The following HS3ST1 variants were observed in gnomAD, a reference collection of about 807,000 sequenced individuals.
The protein encoded by HS3ST1 is heparan sulfate-glucosamine 3-sulfotransferase 1, also known as heparan sulfate glucosamine 3-O-sulfotransferase 1.
A neutral mutation model predicts 20.7 loss-of-function variants in HS3ST1; 8 were observed. The observed-to-expected ratio is 0.39, with a 90% CI of 0.23 to 0.70. The LOEUF is 0.70. Among genes scored for constraint, HS3ST1 ranks in the 30% least tolerant of loss-of-function variants. The probability of loss-of-function intolerance (pLI) is 0.46; values close to 1 mark genes in which losing one functional copy is unlikely to be tolerated. For missense variants in HS3ST1, 436 were observed against 423.4 expected, an observed-to-expected ratio of 1.03 and a Z score of -0.26; for synonymous variants, 205 against 190.4, an observed-to-expected ratio of 1.08 and a Z score of -0.63.
rs1243032047 is a variant in HS3ST1, at chr4:11,396,856, C to G, written c.*2226G>C. On this transcript the variant is annotated 3_prime_UTR_variant, in exon 2 of 2. Coordinates refer to ENST00000002596, the MANE Select transcript of HS3ST1 (RefSeq NM_005114.4). ...TACACTGGACCACCGCCTCCATCGA[C>G]TATGCCAGTCCCAGCAGCTAGATTA... The G allele has an allele frequency of 1.3e-5, 2 of 152,344 alleles. No homozygotes were observed. The highest frequency in any genetic ancestry group is 2.9e-5 in the Non-Finnish European group (2 of 68,106). 9.4% of individuals were successfully genotyped at this position (152,344 alleles called of 1,614,324 possible).
At chr4:11,430,266 G>A (rs1393778351), upstream of HS3ST1, among the ~76,000 whole-genome samples, 1 of 151,524 alleles carries the variant, frequency 6.6e-6, no homozygotes, top group Non-Finnish European at 1.5e-5. Flanking sequence ...ACTTCTTTTA[G>A]TCAGAATAAT....
chr4:11,431,616 C>T (rs1187669946), upstream of HS3ST1, among the ~76,000 whole-genome samples: 3 of 152,124 alleles, frequency 2.0e-5, no homozygotes, highest in Non-Finnish European at 4.4e-5. Context: ...ACACTCCTAG[C>T]CTACCTTTAC....
intron 1 of HS3ST1, among the ~76,000 whole-genome samples, chr4:11,409,679 T>A (rs1278761924): frequency 6.6e-6 from 1 of 152,230 alleles, no homozygotes; most frequent in African/African-American, 2.4e-5. Context: ...GCAAGGTATT[T>A]GATGATAGCA....
rs955716084 is a variant in HS3ST1, at chr4:11,397,449, G to A, written c.*1633C>T. ...CCTGTATCTGGGACACACCTCTTAG[G>A]ATGGAAGATATTTGGCACCTGGGAA... On this transcript the variant is annotated 3_prime_UTR_variant, in exon 2 of 2. Coordinates refer to ENST00000002596, the MANE Select transcript of HS3ST1 (RefSeq NM_005114.4). 1 of 152,246 alleles carries A rather than the reference G, an allele frequency of 6.6e-6. No homozygotes were observed. Among genetic ancestry groups the A allele is most frequent in the African/African-American group, 2.4e-5 (1 of 41,442 alleles). 9.4% of individuals were successfully genotyped at this position (152,246 alleles called of 1,614,324 possible).
At chr4:11,433,847 A>G (rs886581556), upstream of HS3ST1, among the ~76,000 whole-genome samples, 1 of 152,256 alleles carries the variant, frequency 6.6e-6, no homozygotes, top group South Asian at 2.1e-4. Flanking sequence ...CAGAAAAATT[A>G]CAATTCAATC....
At chr4:11,429,405 C>G (rs1719156680), upstream of HS3ST1, 1 of 152,518 alleles carries the variant, frequency 6.6e-6, no homozygotes, top group East Asian at 1.9e-4. Context: ...TGCGTATTCC[C>G]TTCCTGGCAG....
At chr4:11,400,172 C>G in intron 1 of HS3ST1, 59 bp from the exon 2 acceptor site, 1 of 1,359,708 alleles carries the variant, frequency 7.4e-7, no homozygotes, top group Non-Finnish European at 9.6e-7. Flanking sequence ...ATTCAACTAA[C>G]AACTCTGTAG....
chr4:11,409,280 A>G (rs1367853392), intron 1 of HS3ST1, among the ~76,000 whole-genome samples: 2 of 152,208 alleles, frequency 1.3e-5, no homozygotes, highest in African/African-American at 4.8e-5. Context: ...ATTTGGACAA[A>G]CAGGGAGAGA....
At chr4:11,416,213 A>G (rs141711194) in intron 1 of HS3ST1, among the ~76,000 whole-genome samples, 86 of 152,280 alleles carry the variant, frequency 5.6e-4, no homozygotes, top group African/African-American at 1.9e-3. Context: ...CCCCTCAAAG[A>G]CTGATAATTC....
intron 1 of HS3ST1, among the ~76,000 whole-genome samples, chr4:11,416,957 A>G (rs1718800411): frequency 6.6e-6 from 1 of 152,236 alleles, no homozygotes. Context: ...AGTTCTACGC[A>G]GAGGAAACAG....
At chr4:11,412,773 C>G (rs978960209) in intron 1 of HS3ST1, among the ~76,000 whole-genome samples, 1 of 152,128 alleles carries the variant, frequency 6.6e-6, no homozygotes, top group Non-Finnish European at 1.5e-5. Context: ...GAATGCTTAA[C>G]CATTACTAGA....
intron 1 of HS3ST1, among the ~76,000 whole-genome samples, chr4:11,410,427 G>A (rs574385194): frequency 1.5e-4 from 23 of 152,280 alleles, no homozygotes; most frequent in South Asian, 8.3e-4. Flanking sequence ...GAAGTCCCAC[G>A]GAAGCATTCA....
intron 1 of HS3ST1, among the ~76,000 whole-genome samples, chr4:11,427,633 G>C (rs1039057418): frequency 6.6e-6 from 1 of 152,230 alleles, no homozygotes; most frequent in African/African-American, 2.4e-5. Context: ...ATCTGCAAAG[G>C]AGGAGGAAGA....
chr4:11,422,765 A>C (rs115731389), intron 1 of HS3ST1, among the ~76,000 whole-genome samples: 1,687 of 152,276 alleles, frequency 0.011, 36 homozygotes, highest in African/African-American at 0.038. Context: ...ATGCAAAATG[A>C]AATTTTATAA....
chr4:11,408,739 C>A (rs927399383), intron 1 of HS3ST1, among the ~76,000 whole-genome samples: 2 of 152,200 alleles, frequency 1.3e-5, no homozygotes, highest in Non-Finnish European at 2.9e-5. Context: ...GGCGGACAGA[C>A]GGGGCTTCTC....
chr4:11,406,662 G>T (rs781198415), intron 1 of HS3ST1, among the ~76,000 whole-genome samples: 17 of 152,178 alleles, frequency 1.1e-4, no homozygotes, highest in Admixed American at 2.0e-4. Context: ...GAATGGTGAT[G>T]CTTCCCCTTG....
At chr4:11,414,193 G>C (rs575918519) in intron 1 of HS3ST1, 1 of 152,186 alleles carries the variant, frequency 6.6e-6, no homozygotes, top group Non-Finnish European at 1.5e-5. Flanking sequence ...TCTTTATTCT[G>C]TCATGTTCAT....
At chr4:11,408,377 C>G (rs552886368) in intron 1 of HS3ST1, among the ~76,000 whole-genome samples, 5 of 152,126 alleles carry the variant, frequency 3.3e-5, no homozygotes, top group Non-Finnish European at 7.3e-5. Context: ...AAATGGGATC[C>G]TGGGATGATA....
intron 1 of HS3ST1, among the ~76,000 whole-genome samples, chr4:11,403,188 TG>T (rs1718374622): frequency 6.6e-6 from 1 of 152,236 alleles, no homozygotes; most frequent in Admixed American, 6.5e-5. Flanking sequence ...TAAGTACATA[TG>T]TGTTTGTGTG....
Sources: gnomAD v4.1 joint callset for allele counts (sites outside exome capture counted in the v4.1 genomes callset) on GRCh38, gnomAD v4.1.1 for gene constraint, MANE v1.5 for transcripts, NCBI Gene and HGNC (gene_info 2026-07-23, HGNC 2026-07-21) for gene names.